The following SGMS1 variants were observed in gnomAD, a reference collection of about 807,000 sequenced individuals.
The protein encoded by SGMS1 is phosphatidylcholine:ceramide cholinephosphotransferase 1.
Under a neutral mutation model 46.2 loss-of-function variants are expected in SGMS1, and 13 were observed. That is an observed-to-expected ratio of 0.28 (90% confidence interval 0.18 to 0.45). The LOEUF (loss-of-function observed/expected upper bound fraction) is 0.45, where lower values mean the gene tolerates loss of function less well. Among genes scored for constraint, SGMS1 ranks in the 20% least tolerant of loss-of-function variants. The pLI is 1.00. For synonymous variants in SGMS1, 203 were observed against 187.8 expected, an observed-to-expected ratio of 1.08 and a Z score of -0.66; for missense variants, 324 against 519.9, an observed-to-expected ratio of 0.62 and a Z score of 3.66.
intron 6 of SGMS1, among the ~76,000 whole-genome samples, chr10:50,351,938 C>T (rs1848025582): frequency 6.6e-6 from 1 of 152,132 alleles, no homozygotes; most frequent in Non-Finnish European, 1.5e-5. Flanking sequence ...TTATCTATTG[C>T]CCAATTCGGT....
At chr10:50,361,918 A>G (rs183513520) in intron 6 of SGMS1, among the ~76,000 whole-genome samples, 37 of 152,294 alleles carry the variant, frequency 2.4e-4, no homozygotes, top group Non-Finnish European at 3.8e-4. Context: ...GGCCTGTATC[A>G]TATCCATACT....
chr10:50,550,660 T>C (rs975083676), intron 2 of SGMS1, among the ~76,000 whole-genome samples: 1 of 152,198 alleles, frequency 6.6e-6, no homozygotes, highest in African/African-American at 2.4e-5. Flanking sequence ...ATACACCTGC[T>C]TCTCTGACCC....
intron 2 of SGMS1, among the ~76,000 whole-genome samples, chr10:50,581,175 A>C (rs1838430286): frequency 2.0e-5 from 3 of 152,230 alleles, no homozygotes. Flanking sequence ...ATAAGTATGT[A>C]AGGAGCGGGG....
chr10:50,435,087 G>A (rs1057348163), intron 5 of SGMS1, among the ~76,000 whole-genome samples: 1 of 152,188 alleles, frequency 6.6e-6, no homozygotes, highest in Admixed American at 6.5e-5. Flanking sequence ...CCTGGCCACT[G>A]ACATGAGGCT....
intron 2 of SGMS1, among the ~76,000 whole-genome samples, chr10:50,537,162 A>G (rs1251176549): frequency 3.3e-5 from 5 of 152,338 alleles, no homozygotes; most frequent in African/African-American, 7.2e-5. Context: ...ATATCAATGC[A>G]TATCCCAGGA....
intron 2 of SGMS1, among the ~76,000 whole-genome samples, chr10:50,575,128 T>G (rs1041292211): frequency 6.6e-6 from 1 of 151,722 alleles, no homozygotes; most frequent in Non-Finnish European, 1.5e-5. Context: ...GGGGTGGATA[T>G]GGGCAGCTGT....
intron 3 of SGMS1, among the ~76,000 whole-genome samples, chr10:50,471,785 C>A (rs561903897): frequency 6.6e-6 from 1 of 152,250 alleles, no homozygotes; most frequent in African/African-American, 2.4e-5. Flanking sequence ...TCAGTAATGC[C>A]CTGCCTCCAG....
At chr10:50,474,410 C>T (rs757875936) in intron 3 of SGMS1, among the ~76,000 whole-genome samples, 1 of 151,626 alleles carries the variant, frequency 6.6e-6, no homozygotes, top group Non-Finnish European at 1.5e-5. Flanking sequence ...TTTATTAGAC[C>T]CTCTCTCTAA....
chr10:50,625,073 C>G, upstream of SGMS1: 1 of 992,780 alleles, frequency 1.0e-6, no homozygotes, highest in Non-Finnish European at 1.2e-6. Flanking sequence ...CCGCTCGGCA[C>G]CTGCCTCCGC....
intron 6 of SGMS1, among the ~76,000 whole-genome samples, chr10:50,349,612 GGA>G (rs1357146857): frequency 3.3e-5 from 5 of 152,166 alleles, no homozygotes; most frequent in African/African-American, 4.8e-5. Flanking sequence ...ATGTGTTGTG[GGA>G]GAGACCCAAT....
rs1838791676 is a variant in SGMS1, at chr10:50,615,864, T to C, written c.-684+7843A>G. 3.3e-5 allele frequency among the ~76,000 whole-genome samples: 5 copies of C among 152,326 alleles called. No homozygotes were observed. In the South Asian group the frequency reaches 8.3e-4, roughly 25 times the overall value. The stretch of plus-strand genomic sequence containing the variant: ...CACTGCACCACTTCACCTCTAATTA[T>C]ATACCATCTGTCACATAGAGTTCTC... On this transcript the variant is annotated intron_variant, in intron 1 of 10. Coordinates refer to ENST00000361781, the MANE Select transcript of SGMS1 (RefSeq NM_147156.4).
chr10:50,370,689 C>T (rs964903384), intron 6 of SGMS1, among the ~76,000 whole-genome samples: 2 of 150,572 alleles, frequency 1.3e-5, no homozygotes, highest in African/African-American at 4.9e-5. Context: ...TGCAGTGAGC[C>T]GAGATCGTGC....
chr10:50,337,675 C>T (rs1159580781), intron 7 of SGMS1, among the ~76,000 whole-genome samples: 1 of 152,066 alleles, frequency 6.6e-6, no homozygotes, highest in Non-Finnish European at 1.5e-5. Flanking sequence ...AGTGGAGAAT[C>T]TAGTCTATTG....
intron 2 of SGMS1, among the ~76,000 whole-genome samples, chr10:50,535,346 C>A (rs1837991273): frequency 6.6e-6 from 1 of 152,000 alleles, no homozygotes; most frequent in African/African-American, 2.4e-5. Flanking sequence ...AATGCTGCTG[C>A]AAGTATTTCC....
intron 1 of SGMS1, among the ~76,000 whole-genome samples, chr10:50,606,114 G>A (rs147824192): frequency 2.3e-4 from 35 of 152,292 alleles, no homozygotes; most frequent in Non-Finnish European, 4.1e-4. Context: ...CAGATGAATG[G>A]ATAAACAAAA....
intron 7 of SGMS1, among the ~76,000 whole-genome samples, chr10:50,330,404 G>A (rs1847602913): frequency 6.6e-6 from 1 of 152,192 alleles, no homozygotes; most frequent in Non-Finnish European, 1.5e-5. Flanking sequence ...AGGATCGCCG[G>A]AGCCTGGGAG....
intron 2 of SGMS1, among the ~76,000 whole-genome samples, chr10:50,579,936 T>G (rs1327245708): frequency 1.3e-5 from 2 of 152,144 alleles, no homozygotes; most frequent in Non-Finnish European, 2.9e-5. Context: ...CAGGTAAGAT[T>G]TCTCCGAGAT....
In SGMS1 at chr10:50,339,660, A is replaced by G. The variant is rs530838481; in HGVS notation, c.623+3832T>C. ...CTGAAATATGGTATACTGCTTAATA[A>G]ACACTAGTTGAATGAATGAATGAAT... On this transcript the variant is annotated intron_variant, in intron 7 of 10. Transcript: ENST00000361781. 3.9e-5 allele frequency among the ~76,000 whole-genome samples: 6 copies of G among 152,352 alleles called. No individual in the cohort carries two copies. The South Asian group carries it at 1.2e-3, about 32-fold the overall frequency.
At chr10:50,347,700 C>T (rs1031396053) in intron 6 of SGMS1, among the ~76,000 whole-genome samples, 1 of 152,246 alleles carries the variant, frequency 6.6e-6, no homozygotes. Context: ...CACCTAGGTT[C>T]TTCATTTCCC....
Sources: allele counts gnomAD v4.1 joint callset (sites outside exome capture counted in the v4.1 genomes callset), GRCh38; gene constraint gnomAD v4.1.1; transcripts MANE v1.5; gene names NCBI Gene and HGNC (gene_info 2026-07-23, HGNC 2026-07-21).